Variants in ZNF709 observed in about 807,000 individuals in gnomAD.
ZNF709 encodes zinc finger protein 709.
A neutral mutation model predicts 10.6 loss-of-function variants in ZNF709; 15 were observed. The observed-to-expected ratio is 1.41, with a 90% CI of 0.95 to 2.18. The LOEUF (loss-of-function observed/expected upper bound fraction) is 2.18, where lower values mean the gene tolerates loss of function less well. Among genes scored for constraint, ZNF709 ranks in the 30% most tolerant of loss-of-function variants. The probability of loss-of-function intolerance (pLI) is 0.00; values close to 1 mark genes in which losing one functional copy is unlikely to be tolerated. For missense variants in ZNF709, 589 were observed against 774.0 expected (o/e 0.76, Z 2.84); for synonymous variants, 194 against 238.8 (o/e 0.81, Z 1.73).
At chr19:12,467,447 A>G (rs1442783997) in intron 1 of ZNF709, among the ~76,000 whole-genome samples, 1 of 152,126 alleles carries the variant, frequency 6.6e-6, no homozygotes, top group East Asian at 1.9e-4. Context: ...TCAGTGCTCA[A>G]TGGTGCCCAG....
At chr19:12,473,623 C>T (rs1171579286) in intron 1 of ZNF709, among the ~76,000 whole-genome samples, 2 of 152,188 alleles carry the variant, frequency 1.3e-5, no homozygotes, top group Non-Finnish European at 2.9e-5. Context: ...GATAAGTATA[C>T]ACCTATGAAG....
intron 1 of ZNF709, among the ~76,000 whole-genome samples, chr19:12,473,213 A>AT (rs1443033819): frequency 6.6e-6 from 1 of 152,248 alleles, no homozygotes; most frequent in Non-Finnish European, 1.5e-5. Flanking sequence ...AGAGCAAAAA[A>AT]TGAACTGGAA....
chr19:12,465,639 T>C lies in ZNF709; in HGVS notation c.283A>G (p.Thr95Ala), dbSNP rs552007338. The stretch of plus-strand genomic sequence containing the variant: ...TCATATGGTTTTACTCTAGTAAAAG[T>C]TTTCTTGTTTGGTTTAGGATTTGGA... ...QTPNPKPNKK[T>A]FTRVKPYECS... is the part of the protein sequence containing the mutation. The change falls in exon 4 of 4, where the codon ACT becomes GCT. Residue 95 changes from threonine (T) to alanine (A), a missense_variant. This residue lies in a region of ZNF709 where 418 missense variants were observed against 496.3 expected (regional missense o/e 0.84). Coordinates refer to ENST00000397732, the MANE Select transcript of ZNF709 (RefSeq NM_152601.4). 11 of 1,613,094 alleles carry C rather than the reference T, an allele frequency of 6.8e-6. No homozygotes were observed. The South Asian group carries it at 1.2e-4, about 18-fold the overall frequency.
In ZNF709 at chr19:12,484,667, T is replaced by C; in HGVS notation, c.-10A>G. On this transcript the variant is annotated 5_prime_UTR_variant, in exon 1 of 4. Coordinates refer to ENST00000397732, the MANE Select transcript of ZNF709 (RefSeq NM_152601.4). ...CCCGCACACTTACCATTTCCCAGAC[T>C]CTGGGATGTCCTGGTGTTCTGTTTA... is the stretch of plus-strand genomic sequence containing the variant. 1 of 1,613,494 alleles carries C rather than the reference T, an allele frequency of 6.2e-7. No homozygotes were observed. The highest frequency in any genetic ancestry group is 8.5e-7 in the Non-Finnish European group (1 of 1,179,812).
intron 1 of ZNF709, among the ~76,000 whole-genome samples, chr19:12,484,427 G>C (rs1333425934): frequency 6.6e-6 from 1 of 152,184 alleles, no homozygotes; most frequent in Non-Finnish European, 1.5e-5. Flanking sequence ...TCCGGGACTG[G>C]GGCCGCAGTC....
rs1970515264 is a variant in ZNF709 at position 12,461,534 on chromosome 19, G to C, written c.*2462C>G. ...CTGCACCACTGTAGTTGTCACGGTG[G>C]AATCAGAAACACATAGTCACTGGTA... is the stretch of plus-strand genomic sequence containing the variant. On this transcript the variant is annotated 3_prime_UTR_variant, in exon 4 of 4. Transcript: ENST00000397732. The C allele has an allele frequency of 6.6e-6, 1 of 152,112 alleles. No homozygotes were observed. Among genetic ancestry groups the C allele is most frequent in the Non-Finnish European group, 1.5e-5 (1 of 68,026 alleles). The allele number at this position is 152,112 out of a possible 1,614,324, so 9.4% of individuals were successfully genotyped here.
chr19:12,465,040 G>A lies in ZNF709; in HGVS notation c.882C>T (p.Ser294=). Residue 294 remains serine (S), a synonymous_variant, in exon 4 of 4, where the codon TCC becomes TCT. Transcript: ENST00000397732. ...QCGKALSCPT[S]FRSHERIHTG... ...TGTGAATCCTTTCATGACTTCGAAA[G>A]GATGTGGGACAACTAAGAGCTTTAC... 1 of 1,612,432 alleles carries A rather than the reference G, an allele frequency of 6.2e-7. No homozygotes were observed. Among genetic ancestry groups the A allele is most frequent in the Non-Finnish European group, 8.5e-7 (1 of 1,179,504 alleles).
rs751671063 is a variant in ZNF709, at chr19:12,465,349, A to C, written c.573T>G (p.Thr191=). 6.2e-7 allele frequency: 1 copy of C among 1,613,390 alleles called. No individual in the cohort carries two copies. Among genetic ancestry groups the C allele is most frequent in the East Asian group, 2.2e-5 (1 of 44,874 alleles). ...CCTTACATTCATAAGGTTTCTCTCCAGTATGAGTTCTTTCATGTATTTGAA... is the reference window on the plus strand; with the variant it reads ...CCTTACATTCATAAGGTTTCTCTCCCGTATGAGTTCTTTCATGTATTTGAA... The part of the protein sequence containing the change: ...SSFQIHERTH[T]GEKPYECKEC... Residue 191 remains threonine, a synonymous_variant, in exon 4 of 4, where the codon ACT becomes ACG. Coordinates refer to ENST00000397732, the MANE Select transcript of ZNF709 (RefSeq NM_152601.4).
chr19:12,465,438 G>A lies in ZNF709; in HGVS notation c.484C>T (p.His162Tyr). 1 of 1,612,892 alleles carries A rather than the reference G, an allele frequency of 6.2e-7. No homozygotes were observed. Among genetic ancestry groups the A allele is most frequent in the Non-Finnish European group, 8.5e-7 (1 of 1,179,544 alleles). The change falls in exon 4 of 4, where the codon CAC becomes TAC. Residue 162 changes from histidine to tyrosine, a missense_variant. Transcript: ENST00000397732. ...RSSFRIHERTHTGEKPYKCKQ... is the reference protein window; with the variant it reads ...RSSFRIHERTYTGEKPYKCKQ... ...CATTTATAGGGTTTCTCTCCAGTGT[G>A]AGTTCTTTCATGTATTCGAAATGAA...
In ZNF709 at chr19:12,463,243, A is replaced by G. The variant is rs1180394808; in HGVS notation, c.*753T>C. The G allele has an allele frequency of 6.6e-6, 1 of 152,216 alleles. No homozygotes were observed. Among genetic ancestry groups the G allele is most frequent in the African/African-American group, 2.4e-5 (1 of 41,464 alleles). 9.4% of individuals were successfully genotyped at this position (152,216 alleles called of 1,614,324 possible). A position where few individuals can be genotyped will look rare whatever the true frequency, so the allele number is the denominator to read the frequency against. On this transcript the variant is annotated 3_prime_UTR_variant, in exon 4 of 4. Coordinates refer to ENST00000397732, the MANE Select transcript of ZNF709 (RefSeq NM_152601.4). ...ATTTCTATCCAGTCTGCATTCTCAC[A>G]TATTAGTATGTGGGCCAACTGAAGG...
chr19:12,482,216 C>G (rs771773942), intron 1 of ZNF709, among the ~76,000 whole-genome samples: 5 of 151,974 alleles, frequency 3.3e-5, no homozygotes, highest in African/African-American at 4.8e-5. Context: ...CTCTCTCCCT[C>G]TCCCTCTCAA....
At chr19:12,478,037 T>C (rs1309619141) in intron 1 of ZNF709, among the ~76,000 whole-genome samples, 1 of 152,166 alleles carries the variant, frequency 6.6e-6, no homozygotes, top group Non-Finnish European at 1.5e-5. Flanking sequence ...GTGTGCCCTA[T>C]AATCCTGAGG....
In ZNF709 at chr19:12,464,445, T is replaced by A. The variant is rs1359945252; in HGVS notation, c.1477A>T (p.Met493Leu). 2.5e-6 allele frequency: 4 copies of A among 1,612,580 alleles called. No homozygotes were observed. The highest frequency in any genetic ancestry group is 3.4e-6 in the Non-Finnish European group (4 of 1,179,312). ...KAFSFSSSFRMHERTHTGEKP... is the reference protein window; with the variant it reads ...KAFSFSSSFRLHERTHTGEKP... Reference sequence around the variant, plus strand: ...TCTCCAGTGTGAGTCCTTTCATGCATCCGAAAGGAACTAGAAAAACTAAAG... The same window carrying A: ...TCTCCAGTGTGAGTCCTTTCATGCAACCGAAAGGAACTAGAAAAACTAAAG... The change falls in exon 4 of 4, where the codon ATG becomes TTG. Residue 493 changes from methionine to leucine, a missense_variant. This residue lies in a region of ZNF709 where 171 missense variants were observed against 277.7 expected (regional missense o/e 0.62). Transcript: ENST00000397732.
chr19:12,467,028 T>G (rs1186779116), intron 1 of ZNF709, among the ~76,000 whole-genome samples, 178 bp from the exon 2 acceptor site: 2 of 152,238 alleles, frequency 1.3e-5, no homozygotes, highest in African/African-American at 4.8e-5. Context: ...CATGAATACT[T>G]GGAAATTATT....
chr19:12,468,690 TAA>T (rs1039961850), intron 1 of ZNF709, among the ~76,000 whole-genome samples: 15 of 82,276 alleles, frequency 1.8e-4, no homozygotes, highest in Non-Finnish European at 1.4e-4. Flanking sequence ...GAATGATCAA[TAA>T]AAAAAAAAAA....
intron 1 of ZNF709, 99 bp from the exon 2 acceptor site, chr19:12,466,949 T>C (rs994551505): frequency 1.2e-5 from 18 of 1,467,368 alleles, no homozygotes; most frequent in Non-Finnish European, 1.6e-5. Flanking sequence ...TTTCTCCATT[T>C]ATCCTGTAAC....
rs1485849733 is a variant in ZNF709, at chr19:12,463,400, T to G, written c.*596A>C. 1 of 152,228 alleles carries G rather than the reference T, an allele frequency of 6.6e-6. No homozygotes were observed. Among genetic ancestry groups the G allele is most frequent in the African/African-American group, 2.4e-5 (1 of 41,448 alleles). The allele number at this position is 152,228 out of a possible 1,614,324, so 9.4% of individuals were successfully genotyped here. A position where few individuals can be genotyped will look rare whatever the true frequency, so the allele number is the denominator to read the frequency against. ...ATAGGGTTTTCCACATTCTTTACAT[T>G]TTTAAGGTTATAAATTCTTTACATT... On this transcript the variant is annotated 3_prime_UTR_variant, in exon 4 of 4. Coordinates refer to ENST00000397732, the MANE Select transcript of ZNF709 (RefSeq NM_152601.4).
At chr19:12,474,708 T>C (rs1359713096) in intron 1 of ZNF709, among the ~76,000 whole-genome samples, 2 of 152,192 alleles carry the variant, frequency 1.3e-5, no homozygotes, top group Non-Finnish European at 1.5e-5. Context: ...ACTATAAATA[T>C]ATGTCTTAGC....
At chr19:12,468,305 A>G (rs949393438) in intron 1 of ZNF709, among the ~76,000 whole-genome samples, 15 of 152,196 alleles carry the variant, frequency 9.9e-5, no homozygotes, top group Non-Finnish European at 1.9e-4. Flanking sequence ...GTGTCTGTGT[A>G]GAAAGAAGTA....
Sources: allele counts gnomAD v4.1 joint callset (sites outside exome capture counted in the v4.1 genomes callset), GRCh38; gene constraint gnomAD v4.1.1; regional missense constraint gnomAD v4.1.1; transcripts MANE v1.5; gene names NCBI Gene and HGNC (gene_info 2026-07-23, HGNC 2026-07-21).